Variants in ATXN1 observed in about 807,000 individuals in gnomAD.
The protein encoded by ATXN1 is ataxin-1.
A neutral mutation model predicts 56.4 loss-of-function variants in ATXN1; 8 were observed. The observed-to-expected ratio is 0.14, with a 90% CI of 0.08 to 0.26. The LOEUF (loss-of-function observed/expected upper bound fraction) is 0.26. Ranked by LOEUF, ATXN1 falls within the 10% of genes least tolerant of loss-of-function variation. The probability of loss-of-function intolerance (pLI) is 1.00; values close to 1 mark genes in which losing one functional copy is unlikely to be tolerated. For missense variants in ATXN1, 987 were observed against 1,106.5 expected (o/e 0.89, Z 1.53); for synonymous variants, 514 against 494.6 (o/e 1.04, Z -0.52).
intron 4 of ATXN1, among the ~76,000 whole-genome samples, chr6:16,541,878 C>T (rs1761721859): frequency 6.6e-6 from 1 of 152,184 alleles, no homozygotes; most frequent in Non-Finnish European, 1.5e-5. Context: ...GGATTTCTGA[C>T]ATCTTGCCCC....
rs1028894064 is a variant in ATXN1 at position 16,299,357 on chromosome 6, G to GAATT, written c.*6968_*6971dup. The GAATT allele has an allele frequency of 1.3e-5, 2 of 152,524 alleles. No homozygotes were observed. The highest frequency in any genetic ancestry group is 4.8e-5 in the African/African-American group (2 of 41,404). 9.4% of individuals were successfully genotyped at this position (152,524 alleles called of 1,614,324 possible). ...ACACCACGATTAGAAAATAGAATAT[G>GAATT]AATTCTTCCATTTTTTAATATTTGT... On this transcript the variant is annotated 3_prime_UTR_variant, in exon 8 of 8. Transcript: ENST00000436367.
intron 4 of ATXN1, among the ~76,000 whole-genome samples, chr6:16,532,467 C>G (rs535571265): frequency 6.6e-6 from 1 of 152,202 alleles, no homozygotes; most frequent in Non-Finnish European, 1.5e-5. Flanking sequence ...TGCTAAATAG[C>G]CTCTTGAAGT....
chr6:16,343,237 C>T (rs928156785), intron 6 of ATXN1, among the ~76,000 whole-genome samples: 1 of 151,922 alleles, frequency 6.6e-6, no homozygotes, highest in Non-Finnish European at 1.5e-5. Context: ...CCCAGCTACT[C>T]GAGAGGCTGA....
intron 6 of ATXN1, among the ~76,000 whole-genome samples, chr6:16,481,607 T>C (rs1278573280): frequency 6.6e-6 from 1 of 152,226 alleles, no homozygotes; most frequent in Non-Finnish European, 1.5e-5. Context: ...ACCTTTATTA[T>C]TGCTGTCCTC....
chr6:16,405,239 A>G (rs1758662056), intron 6 of ATXN1, among the ~76,000 whole-genome samples: 1 of 152,258 alleles, frequency 6.6e-6, no homozygotes, highest in Non-Finnish European at 1.5e-5. Context: ...TTGATTAAAG[A>G]CACAGTCTCT....
chr6:16,645,469 G>A (rs752978552), intron 3 of ATXN1, among the ~76,000 whole-genome samples: 2 of 152,266 alleles, frequency 1.3e-5, no homozygotes, highest in Admixed American at 6.5e-5. Context: ...GCTTAGCAAC[G>A]TGGACTTAAA....
chr6:16,539,598 A>G (rs1207967276), intron 4 of ATXN1, among the ~76,000 whole-genome samples: 1 of 152,088 alleles, frequency 6.6e-6, no homozygotes, highest in Non-Finnish European at 1.5e-5. Flanking sequence ...AGGGCATGCC[A>G]TTTGCTTGCC....
At chr6:16,660,831 G>GTTTTGTTTT (rs1491535308) in intron 2 of ATXN1, among the ~76,000 whole-genome samples, 2 of 131,198 alleles carry the variant, frequency 1.5e-5, no homozygotes, top group African/African-American at 6.2e-5. Context: ...ATTTTGTTTT[G>GTTTTGTTTT]GTTTTTTTTT....
chr6:16,346,868 G>A (rs1561861227), intron 6 of ATXN1, among the ~76,000 whole-genome samples: 1 of 152,236 alleles, frequency 6.6e-6, no homozygotes, highest in Non-Finnish European at 1.5e-5. Flanking sequence ...CTCAGCTTGC[G>A]CGGAGGTGTG....
At chr6:16,711,800 T>C (rs1561818367) in intron 2 of ATXN1, among the ~76,000 whole-genome samples, 1 of 152,038 alleles carries the variant, frequency 6.6e-6, no homozygotes, top group Non-Finnish European at 1.5e-5. Context: ...GTATTTTTAA[T>C]AGAGACAGGG....
chr6:16,664,950 A>G (rs147272304), intron 2 of ATXN1, among the ~76,000 whole-genome samples: 326 of 152,274 alleles, frequency 2.1e-3, no homozygotes, highest in Middle Eastern at 3.4e-3. Flanking sequence ...TAACATCTTT[A>G]TGAAAAAATA....
intron 3 of ATXN1, among the ~76,000 whole-genome samples, chr6:16,645,041 C>G (rs1203712243): frequency 2.0e-5 from 3 of 152,166 alleles, no homozygotes; most frequent in Non-Finnish European, 4.4e-5. Context: ...CCTTTGATAG[C>G]TGAAATTGAA....
At chr6:16,667,017 T>C (rs1431758909) in intron 2 of ATXN1, 2 of 152,232 alleles carry the variant, frequency 1.3e-5, no homozygotes, top group Admixed American at 1.3e-4. Flanking sequence ...CAACACTGGT[T>C]ATCTTTGGGT....
At chr6:16,518,158 C>T (rs181181258) in intron 5 of ATXN1, among the ~76,000 whole-genome samples, 38 of 152,166 alleles carry the variant, frequency 2.5e-4, no homozygotes, top group Admixed American at 2.3e-3. Context: ...GAGCTGGGGG[C>T]GGGTAGGCCT....
chr6:16,738,260 A>G (rs1760205422), intron 2 of ATXN1: 1 of 152,254 alleles, frequency 6.6e-6, no homozygotes, highest in South Asian at 2.1e-4. Context: ...AATGGAGAAT[A>G]AAAACAGAAC....
chr6:16,739,271 T>A (rs1401921779), intron 2 of ATXN1: 1 of 151,892 alleles, frequency 6.6e-6, no homozygotes, highest in Non-Finnish European at 1.5e-5. Context: ...AGTGATCAAA[T>A]TTTTTTTGTA....
At chr6:16,557,326 C>CAAAAAAAA (rs10551173) in intron 4 of ATXN1, among the ~76,000 whole-genome samples, 2 of 87,738 alleles carry the variant, frequency 2.3e-5, no homozygotes, top group East Asian at 3.3e-4. Context: ...AACCCCATTT[C>CAAAAAAAA]AAAAAAAAAA....
At chr6:16,417,854 A>C (rs1365207136) in intron 6 of ATXN1, among the ~76,000 whole-genome samples, 3 of 152,076 alleles carry the variant, frequency 2.0e-5, no homozygotes, top group Non-Finnish European at 4.4e-5. Context: ...GTACCAAAGA[A>C]GGCTAAATAT....
intron 4 of ATXN1, among the ~76,000 whole-genome samples, chr6:16,536,663 C>T (rs1339746154): frequency 2.0e-5 from 3 of 152,152 alleles, no homozygotes; most frequent in Non-Finnish European, 2.9e-5. Context: ...CAGAAAACTG[C>T]CCCCCTTAGC....
Sources: gnomAD v4.1 joint callset for allele counts (sites outside exome capture counted in the v4.1 genomes callset) on GRCh38, gnomAD v4.1.1 for gene constraint, MANE v1.5 for transcripts, NCBI Gene and HGNC (gene_info 2026-07-23, HGNC 2026-07-21) for gene names.